Variants in KIF16B observed in about 807,000 individuals in gnomAD.
KIF16B encodes kinesin-like protein KIF16B.
KIF16B carries 98 observed loss-of-function variants against 156.3 expected under a neutral mutation model. The ratio of observed to expected loss-of-function variants is 0.63; its 90% CI spans 0.53 to 0.74. The LOEUF is 0.74. KIF16B is among the 30% of genes least tolerant of loss of function. The pLI, the probability that KIF16B is intolerant of heterozygous loss-of-function variation, is 0.00. For synonymous variants in KIF16B, 564 were observed against 583.7 expected (o/e 0.97, Z 0.49); for missense variants, 1,421 against 1,606.5 (o/e 0.88, Z 1.97).
At chr20:16,277,734 T>C (rs961167419) in intron 25 of KIF16B, among the ~76,000 whole-genome samples, 1 of 152,036 alleles carries the variant, frequency 6.6e-6, no homozygotes, top group African/African-American at 2.4e-5. Context: ...AACTGAAGGA[T>C]ATTAGGAGTT....
intron 4 of KIF16B, among the ~76,000 whole-genome samples, chr20:16,514,992 T>G (rs1319771474): frequency 6.6e-6 from 1 of 151,346 alleles, no homozygotes; most frequent in Non-Finnish European, 1.5e-5. Context: ...TTTTTACTCC[T>G]CTGTATTTTG....
At chr20:16,478,796 A>G (rs62199771) in intron 12 of KIF16B, among the ~76,000 whole-genome samples, 8,078 of 152,286 alleles carry the variant, frequency 0.053, 419 homozygotes, top group African/African-American at 0.14. Flanking sequence ...TGCCTAATTT[A>G]TAAATGAAGC....
chr20:16,488,137 C>T (rs942442660), intron 12 of KIF16B, among the ~76,000 whole-genome samples: 1 of 152,124 alleles, frequency 6.6e-6, no homozygotes, highest in Non-Finnish European at 1.5e-5. Flanking sequence ...TCAAAGGATA[C>T]GTTTTCAGCA....
At chr20:16,559,541 G>A (rs563482228) in intron 1 of KIF16B, among the ~76,000 whole-genome samples, 7 of 152,118 alleles carry the variant, frequency 4.6e-5, no homozygotes, top group East Asian at 1.9e-4. Flanking sequence ...GGCCAACACA[G>A]AAGGATCACT....
intron 25 of KIF16B, among the ~76,000 whole-genome samples, chr20:16,295,855 T>C (rs2063378550): frequency 6.6e-6 from 1 of 152,182 alleles, no homozygotes; most frequent in African/African-American, 2.4e-5. Flanking sequence ...GATACTATGG[T>C]ACATATGATT....
At chr20:16,545,417 C>A (rs1272333802) in intron 1 of KIF16B, among the ~76,000 whole-genome samples, 3 of 151,024 alleles carry the variant, frequency 2.0e-5, no homozygotes, top group Admixed American at 6.6e-5. Flanking sequence ...GTAATCCCAG[C>A]ACTTTGGGAG....
chr20:16,434,730 A>G (rs192610074), intron 12 of KIF16B, among the ~76,000 whole-genome samples: 1,876 of 147,726 alleles, frequency 0.013, 32 homozygotes, highest in African/African-American at 0.031. Context: ...TCTAAGTGGC[A>G]CTTTTTTTTT....
At chr20:16,486,723 G>C (rs140582522) in intron 12 of KIF16B, among the ~76,000 whole-genome samples, 2 of 152,066 alleles carry the variant, frequency 1.3e-5, no homozygotes, top group Non-Finnish European at 2.9e-5. Flanking sequence ...ATGAGCTCTC[G>C]AGTCAGTACT....
intron 12 of KIF16B, among the ~76,000 whole-genome samples, chr20:16,483,770 G>T (rs2068042504): frequency 6.6e-6 from 1 of 152,000 alleles, no homozygotes; most frequent in Non-Finnish European, 1.5e-5. Flanking sequence ...ACTAGTCTAG[G>T]CAAGGAGAAA....
chr20:16,484,092 C>G (rs972047826), intron 12 of KIF16B, among the ~76,000 whole-genome samples: 2 of 152,122 alleles, frequency 1.3e-5, no homozygotes, highest in Non-Finnish European at 2.9e-5. Flanking sequence ...CGCAAAAGAT[C>G]AGAAGGAAAA....
intron 23 of KIF16B, among the ~76,000 whole-genome samples, chr20:16,337,487 T>C (rs2064061152): frequency 6.6e-6 from 1 of 152,140 alleles, no homozygotes; most frequent in South Asian, 2.1e-4. Flanking sequence ...ACAATAACTT[T>C]TCAATTGTGG....
rs867030024 is a variant in KIF16B, at chr20:16,386,902, A to T, written c.1785-5155T>A. 1.2e-4 allele frequency among the ~76,000 whole-genome samples: 18 copies of T among 152,310 alleles called. No homozygotes were observed. In the Middle Eastern group the frequency reaches 0.01, roughly 86 times the overall value. On this transcript the variant is annotated intron_variant, in intron 17 of 25. Transcript: ENST00000354981. ...GAGAGGATCCAATGAGGGTACTCAC[A>T]ACCACTGTTAACTTAGTTAATAAAT... is the stretch of plus-strand genomic sequence containing the variant.
intron 1 of KIF16B, among the ~76,000 whole-genome samples, chr20:16,547,806 T>C (rs17743099): frequency 0.042 from 6,367 of 152,314 alleles, 194 homozygotes; most frequent in South Asian, 0.076. Context: ...ACGCTGACCA[T>C]GGTCCACGGC....
intron 21 of KIF16B, 120 bp from the exon 22 acceptor site, chr20:16,370,756 C>G: frequency 2.8e-6 from 2 of 703,298 alleles, no homozygotes; most frequent in Non-Finnish European, 4.6e-6. Context: ...TGTCATTCAA[C>G]AATGACAACC....
chr20:16,386,567 G>C (rs2065235776), intron 17 of KIF16B, among the ~76,000 whole-genome samples: 1 of 151,772 alleles, frequency 6.6e-6, no homozygotes, highest in South Asian at 2.1e-4. Flanking sequence ...GTGGTTTTGG[G>C]AGAATGGGTG....
chr20:16,483,045 GA>G (rs1475039870), intron 12 of KIF16B, among the ~76,000 whole-genome samples: 2 of 152,174 alleles, frequency 1.3e-5, no homozygotes, highest in Non-Finnish European at 2.9e-5. Flanking sequence ...GACTGGTTCA[GA>G]AATGCACCAT....
chr20:16,448,828 A>T (rs1373688144), intron 12 of KIF16B, among the ~76,000 whole-genome samples: 1 of 152,170 alleles, frequency 6.6e-6, no homozygotes, highest in Non-Finnish European at 1.5e-5. Context: ...TACAATAAGA[A>T]GCTAGTCCAA....
intron 25 of KIF16B, among the ~76,000 whole-genome samples, chr20:16,308,964 G>T (rs2063579810): frequency 6.6e-6 from 1 of 152,244 alleles, no homozygotes; most frequent in South Asian, 2.1e-4. Flanking sequence ...AATGTCTGGA[G>T]CCTGGGAAGC....
intron 22 of KIF16B, chr20:16,367,665 G>T (rs556508742): frequency 1.5e-5 from 24 of 1,612,580 alleles, no homozygotes; most frequent in Admixed American, 5.0e-5. Context: ...AGGTAGTCTG[G>T]AATTTGGATG....
Sources: allele counts gnomAD v4.1 joint callset (sites outside exome capture counted in the v4.1 genomes callset), GRCh38; gene constraint gnomAD v4.1.1; transcripts MANE v1.5; gene names NCBI Gene and HGNC (gene_info 2026-07-23, HGNC 2026-07-21).